Variants in MBOAT2 observed in about 807,000 individuals in gnomAD.
The protein encoded by MBOAT2 is membrane-bound glycerophospholipid O-acyltransferase 2.
MBOAT2 carries 28 observed loss-of-function variants against 63.4 expected under a neutral mutation model. The ratio of observed to expected loss-of-function variants is 0.44; its 90% confidence interval spans 0.33 to 0.61. The LOEUF (loss-of-function observed/expected upper bound fraction) is 0.61, where lower values mean the gene tolerates loss of function less well. MBOAT2 is among the 20% of genes least tolerant of loss of function. The pLI is 0.03. For synonymous variants in MBOAT2, 211 were observed against 215.6 expected, an observed-to-expected ratio of 0.98 and a Z score of 0.19; for missense variants, 470 against 605.8, an observed-to-expected ratio of 0.78 and a Z score of 2.35.
intron 5 of MBOAT2, among the ~76,000 whole-genome samples, chr2:8,884,926 A>C (rs1020806250): frequency 2.0e-5 from 3 of 152,210 alleles, no homozygotes; most frequent in Non-Finnish European, 4.4e-5. Context: ...TAGAAGTCTA[A>C]CCAAGTCCAA....
Position 8,862,769 on chromosome 2 carries a change from G to A in MBOAT2, c.1053-47C>T, listed in dbSNP as rs1353296610. 10 of 1,580,230 alleles carry A rather than the reference G, an allele frequency of 6.3e-6. No individual in the cohort carries two copies. The highest frequency in any genetic ancestry group is 4.7e-5 in the South Asian group (4 of 84,932). On this transcript the variant is annotated intron_variant, in intron 10 of 12. Transcript: ENST00000305997. This position sits in a 1 kb window ranked among gnomAD's most constrained non-coding sequence, Gnocchi z 4.3. ...GAGAGCCAAGTGGAGTGAGTGACCC[G>A]AGTTTACAAAGCCTGCAATGATCAT...
At chr2:8,964,449 C>A (rs1024955997) in intron 1 of MBOAT2, among the ~76,000 whole-genome samples, 6 of 149,874 alleles carry the variant, frequency 4.0e-5, no homozygotes, top group African/African-American at 1.5e-4. Context: ...AGTCAAGCAA[C>A]ATCCACTTGA....
intron 3 of MBOAT2, among the ~76,000 whole-genome samples, chr2:8,941,422 AT>A (rs1367647852): frequency 1.3e-5 from 2 of 152,202 alleles, no homozygotes; most frequent in Non-Finnish European, 2.9e-5. Context: ...ACTATCCAAT[AT>A]CATTTTCTGC....
intron 7 of MBOAT2, among the ~76,000 whole-genome samples, chr2:8,874,161 T>C (rs1005654571): frequency 1.3e-5 from 2 of 152,196 alleles, no homozygotes; most frequent in African/African-American, 2.4e-5. Context: ...CTTTATATAA[T>C]AGTGCCAGAA....
At chr2:8,996,332 T>C (rs548011334) in intron 1 of MBOAT2, among the ~76,000 whole-genome samples, 30 of 151,908 alleles carry the variant, frequency 2.0e-4, no homozygotes, top group African/African-American at 7.0e-4. Context: ...AAAATAACAA[T>C]GTGCATAAAG....
At chr2:8,964,236 T>C (rs1035298935) in intron 1 of MBOAT2, among the ~76,000 whole-genome samples, 3 of 152,276 alleles carry the variant, frequency 2.0e-5, no homozygotes, top group Non-Finnish European at 2.9e-5. Context: ...TTTTATACTT[T>C]TGCTACTTGT....
rs1661569342 is a variant in MBOAT2 at position 8,862,537 on chromosome 2, T to C, written c.1185+53A>G. On this transcript the variant is annotated intron_variant, in intron 11 of 12. Coordinates refer to ENST00000305997, the MANE Select transcript of MBOAT2 (RefSeq NM_138799.4). The surrounding 1 kb of genome is among the most constrained non-coding windows in gnomAD (Gnocchi z 4.3). ...TTGTAAGAGAGATGTACTCAGCCTTTTTAACAGTTCAAGTGGACCATTGAA... is the reference window on the plus strand; with the variant it reads ...TTGTAAGAGAGATGTACTCAGCCTTCTTAACAGTTCAAGTGGACCATTGAA... 24 of 1,575,834 alleles carry C rather than the reference T, an allele frequency of 1.5e-5. No homozygotes were observed. Among genetic ancestry groups the C allele is most frequent in the Non-Finnish European group, 2.1e-5 (24 of 1,161,304 alleles).
At chr2:8,876,638 G>A (rs914289079) in intron 7 of MBOAT2, among the ~76,000 whole-genome samples, 6 of 151,822 alleles carry the variant, frequency 4.0e-5, no homozygotes, top group Non-Finnish European at 1.5e-5. Flanking sequence ...AGGATACAGA[G>A]TGTTTACAAT....
At chr2:8,995,490 C>T (rs545185079) in intron 1 of MBOAT2, among the ~76,000 whole-genome samples, 1 of 152,260 alleles carries the variant, frequency 6.6e-6, no homozygotes, top group East Asian at 1.9e-4. Context: ...TTTTATTTTT[C>T]CCTTGTGACT....
intron 7 of MBOAT2, among the ~76,000 whole-genome samples, chr2:8,875,373 T>C (rs1662630372): frequency 6.6e-6 from 1 of 152,212 alleles, no homozygotes; most frequent in African/African-American, 2.4e-5. Context: ...AAGAGGAAAG[T>C]GATATTTTAT....
At chr2:8,979,499 C>A (rs1010507621) in intron 1 of MBOAT2, among the ~76,000 whole-genome samples, 2 of 151,994 alleles carry the variant, frequency 1.3e-5, no homozygotes, top group African/African-American at 4.8e-5. Flanking sequence ...TGATTCTTAT[C>A]TGTTTTGTTC....
rs536351883 is a variant in MBOAT2 at position 8,858,480 on chromosome 2, G to A, written c.*199C>T. ...GAAATATGGAAATATTCTTACATAA[G>A]GCGTGGCCCACGGAGACATGGCATG... On this transcript the variant is annotated 3_prime_UTR_variant, in exon 13 of 13. Coordinates refer to ENST00000305997, the MANE Select transcript of MBOAT2 (RefSeq NM_138799.4). 9.1e-5 allele frequency: 48 copies of A among 525,804 alleles called. No individual in the cohort carries two copies. The East Asian group carries it at 1.2e-3, about 13-fold the overall frequency. The allele number at this position is 525,804 out of a possible 1,614,324, so 32.6% of individuals were successfully genotyped here.
intron 2 of MBOAT2, among the ~76,000 whole-genome samples, chr2:8,948,883 G>A (rs1240539781): frequency 6.6e-6 from 1 of 152,180 alleles, no homozygotes; most frequent in Non-Finnish European, 1.5e-5. Flanking sequence ...GGGTCAAACG[G>A]TAGTTGTTTC....
chr2:8,902,989 G>A (rs537901250), intron 4 of MBOAT2, among the ~76,000 whole-genome samples: 35 of 152,194 alleles, frequency 2.3e-4, no homozygotes, highest in African/African-American at 6.7e-4. Context: ...TGATTGGTCC[G>A]TTTTATAGAG....
Position 9,003,086 on chromosome 2 carries a change from G to C in MBOAT2, c.75+454C>G, listed in dbSNP as rs1254495537. Among the ~76,000 whole-genome samples, 2 of 151,890 alleles carry C rather than the reference G, an allele frequency of 1.3e-5. No homozygotes were observed. On this transcript the variant is annotated intron_variant, in intron 1 of 12. Coordinates refer to ENST00000305997, the MANE Select transcript of MBOAT2 (RefSeq NM_138799.4). This position sits in a 1 kb window ranked among gnomAD's most constrained non-coding sequence, Gnocchi z 5.4. ...CAGACCCATGCATCAGCCTCTCCGG[G>C]GGTCGCTCAGAGGCGCGCGCGGGGC...
intron 6 of MBOAT2, among the ~76,000 whole-genome samples, chr2:8,881,115 T>C (rs1012932551): frequency 6.6e-6 from 1 of 152,084 alleles, no homozygotes; most frequent in Non-Finnish European, 1.5e-5. Context: ...AGCTAAATCC[T>C]TGAGAAGGAA....
At chr2:8,990,396 A>G (rs1400849560) in intron 1 of MBOAT2, among the ~76,000 whole-genome samples, 1 of 152,194 alleles carries the variant, frequency 6.6e-6, no homozygotes, top group Non-Finnish European at 1.5e-5. Context: ...AAGGAAAGCA[A>G]TCCAAGTCCA....
At chr2:8,973,219 G>A (rs1240906230) in intron 1 of MBOAT2, among the ~76,000 whole-genome samples, 2 of 152,042 alleles carry the variant, frequency 1.3e-5, no homozygotes, top group Non-Finnish European at 2.9e-5. Context: ...GTCCTTTGTG[G>A]GGACATGGAT....
At chr2:8,936,100 G>A (rs1000719146) in intron 3 of MBOAT2, among the ~76,000 whole-genome samples, 1 of 152,124 alleles carries the variant, frequency 6.6e-6, no homozygotes, top group Non-Finnish European at 1.5e-5. Flanking sequence ...ATGCCCCCCA[G>A]CCTTTGGTAC....
Sources: allele counts gnomAD v4.1 joint callset (sites outside exome capture counted in the v4.1 genomes callset), GRCh38; gene constraint gnomAD v4.1.1; non-coding constraint Gnocchi (gnomAD v3.1); transcripts MANE v1.5; gene names NCBI Gene and HGNC (gene_info 2026-07-23, HGNC 2026-07-21).